PCP4: variants seen among roughly 807,000 people sequenced by gnomAD.
PCP4 encodes the protein Purkinje cell protein 4, also known as calmodulin regulator protein PCP4.
In PCP4, 8 loss-of-function variants were observed where a neutral mutation model predicts 10.0. That is an observed-to-expected ratio of 0.80 (90% CI 0.47 to 1.45). The LOEUF is 1.45. Among genes scored for constraint, PCP4 ranks in the 40% most tolerant of loss-of-function variants. PCP4 has a pLI of 0.00. For synonymous variants in PCP4, 21 were observed against 23.0 expected, an observed-to-expected ratio of 0.91 and a Z score of 0.24; for missense variants, 54 against 74.4, an observed-to-expected ratio of 0.73 and a Z score of 1.01.
chr21:39,928,954 T>A (rs2087637743), intron 2 of PCP4, 30 bp from the exon 3 acceptor site: 2 of 1,603,738 alleles, frequency 1.2e-6, no homozygotes. Context: ...GCTCAGTGAT[T>A]GCCTTCTGTT....
chr21:39,899,741 G>T (rs187336318), intron 2 of PCP4, among the ~76,000 whole-genome samples: 1 of 152,140 alleles, frequency 6.6e-6, no homozygotes, highest in Non-Finnish European at 1.5e-5. Context: ...GGCTTTTCCT[G>T]TCTCCTGTGT....
In PCP4 at chr21:39,879,246, C is replaced by T. The variant is rs140478944; in HGVS notation, c.9+11736C>T. Among the ~76,000 whole-genome samples, 549 of 152,224 alleles carry T rather than the reference C, an allele frequency of 3.6e-3. 5 individuals are homozygous for T. The highest frequency in any genetic ancestry group is 0.012 in the African/African-American group (502 of 41,532). On this transcript the variant is annotated intron_variant, in intron 1 of 2. Coordinates refer to ENST00000328619, the MANE Select transcript of PCP4 (RefSeq NM_006198.3). The stretch of plus-strand genomic sequence containing the variant: ...TCAAGTGATCTGCTTGCCTCGGCCT[C>T]CCAAAGAGCTGGGATTGTAGGCATT...
At chr21:39,888,436 C>T (rs936948111) in intron 1 of PCP4, among the ~76,000 whole-genome samples, 2 of 152,262 alleles carry the variant, frequency 1.3e-5, no homozygotes, top group African/African-American at 4.8e-5. Context: ...GTGGGGGGAG[C>T]GTGGCTGCTG....
chr21:39,907,533 C>T (rs372137023), intron 2 of PCP4, among the ~76,000 whole-genome samples: 258 of 152,214 alleles, frequency 1.7e-3, no homozygotes, highest in African/African-American at 5.6e-3. Flanking sequence ...AAAGTCCCTG[C>T]GTGGTGGCTC....
chr21:39,893,822 G>A (rs1416647179), intron 1 of PCP4, among the ~76,000 whole-genome samples: 2 of 152,214 alleles, frequency 1.3e-5, no homozygotes, highest in African/African-American at 4.8e-5. Flanking sequence ...CCTGTCTTTT[G>A]TGGAGGTCTC....
intron 2 of PCP4, among the ~76,000 whole-genome samples, chr21:39,901,086 G>T (rs1343080314): frequency 6.6e-6 from 1 of 152,144 alleles, no homozygotes; most frequent in Non-Finnish European, 1.5e-5. Flanking sequence ...TTTGACAGAG[G>T]ACAGCTGGAT....
intron 1 of PCP4, among the ~76,000 whole-genome samples, chr21:39,888,593 C>T (rs936935433): frequency 6.6e-6 from 1 of 152,244 alleles, no homozygotes; most frequent in African/African-American, 2.4e-5. Flanking sequence ...CCCTCAAGAG[C>T]TGACAGCGGT....
intron 1 of PCP4, among the ~76,000 whole-genome samples, chr21:39,888,825 C>T (rs989507377): frequency 1.3e-5 from 2 of 152,234 alleles, no homozygotes; most frequent in South Asian, 4.1e-4. Context: ...GGTCCCCTGA[C>T]CTGGCTGAGT....
intron 1 of PCP4, among the ~76,000 whole-genome samples, chr21:39,883,084 C>T (rs1219735081): frequency 6.6e-6 from 1 of 151,664 alleles, no homozygotes; most frequent in Non-Finnish European, 1.5e-5. Flanking sequence ...AAGGATTCAA[C>T]ACCAATTCAG....
chr21:39,928,254 G>T (rs143231256), intron 2 of PCP4, among the ~76,000 whole-genome samples: 1 of 152,236 alleles, frequency 6.6e-6, no homozygotes, highest in African/African-American at 2.4e-5. Flanking sequence ...GAATTTTATT[G>T]ATTTATTTGT....
At chr21:39,927,331 ATCTATCTG>A (rs201538309) in intron 2 of PCP4, among the ~76,000 whole-genome samples, 7 of 50,930 alleles carry the variant, frequency 1.4e-4, no homozygotes, top group East Asian at 7.6e-4. Context: ...TCATCTATCT[ATCTATCTG>A]TCTATCTATC....
chr21:39,920,048 GT>G (rs2087588047), intron 2 of PCP4, among the ~76,000 whole-genome samples: 2 of 70,048 alleles, frequency 2.9e-5, no homozygotes, highest in Non-Finnish European at 3.9e-5. Flanking sequence ...TATGTGTGGT[GT>G]GTGTGTGTAG....
chr21:39,888,173 T>C (rs1409749345), intron 1 of PCP4, among the ~76,000 whole-genome samples: 2 of 152,200 alleles, frequency 1.3e-5, no homozygotes, highest in Non-Finnish European at 2.9e-5. Flanking sequence ...CACCGGGGGA[T>C]AGACGCTGTT....
Position 39,928,918 on chromosome 21 carries a change from T to C in PCP4, c.62-66T>C, listed in dbSNP as rs2087637478. 1.4e-5 allele frequency: 21 copies of C among 1,544,432 alleles called. No individual in the cohort carries two copies. The South Asian group carries it at 2.5e-4, about 18-fold the overall frequency. On this transcript the variant is annotated intron_variant, in intron 2 of 2. Coordinates refer to ENST00000328619, the MANE Select transcript of PCP4 (RefSeq NM_006198.3). ...GGACTTCCTGGCTTCACTTATCTAG[T>C]GGGGCTGTCTGCTTTCCTATTTTCA...
At chr21:39,916,816 A>T (rs1485776614) in intron 2 of PCP4, among the ~76,000 whole-genome samples, 4 of 152,212 alleles carry the variant, frequency 2.6e-5, no homozygotes, top group African/African-American at 9.6e-5. Context: ...TGGAGTTGGA[A>T]GCTGTTATCC....
intron 2 of PCP4, among the ~76,000 whole-genome samples, chr21:39,911,923 G>A (rs1345809488): frequency 2.0e-5 from 3 of 152,244 alleles, no homozygotes; most frequent in South Asian, 4.1e-4. Context: ...ACTATAAAAC[G>A]TTGCCAATTA....
At chr21:39,900,133 C>T (rs902679940) in intron 2 of PCP4, among the ~76,000 whole-genome samples, 1 of 152,104 alleles carries the variant, frequency 6.6e-6, no homozygotes, top group Admixed American at 6.6e-5. Context: ...CTCCAGGGTT[C>T]AAGTGATTCT....
intron 1 of PCP4, among the ~76,000 whole-genome samples, chr21:39,875,486 A>G (rs1656394777): frequency 1.3e-5 from 2 of 152,210 alleles, no homozygotes; most frequent in Admixed American, 6.5e-5. Flanking sequence ...AGAGAGTTTT[A>G]GGTGGAAATA....
At chr21:39,893,986 T>C (rs2253861) in intron 1 of PCP4, among the ~76,000 whole-genome samples, 41,211 of 151,978 alleles carry the variant, frequency 0.27, 5,918 homozygotes, top group Admixed American at 0.32. Context: ...CTAGACTCTT[T>C]GGTGAGCATC....
Sources: allele counts gnomAD v4.1 joint callset (sites outside exome capture counted in the v4.1 genomes callset), GRCh38; gene constraint gnomAD v4.1.1; transcripts MANE v1.5; gene names NCBI Gene and HGNC (gene_info 2026-07-23, HGNC 2026-07-21).